The following SEPTIN2 variants were observed in gnomAD, a reference collection of about 807,000 sequenced individuals.
SEPTIN2 encodes septin 2, also known as septin-2.
Under a neutral mutation model 46.5 loss-of-function variants are expected in SEPTIN2, and 34 were observed. That is an observed-to-expected ratio of 0.73 (90% confidence interval 0.56 to 0.97). SEPTIN2 has a LOEUF of 0.97. SEPTIN2 is among the 50% of genes least tolerant of loss of function. The probability of loss-of-function intolerance (pLI) is 0.00; values close to 1 mark genes in which losing one functional copy is unlikely to be tolerated. For synonymous variants in SEPTIN2, 175 were observed against 153.4 expected (o/e 1.14, Z -1.04); for missense variants, 347 against 448.4 (o/e 0.77, Z 2.04).
chr2:241,339,222 C>T (rs572132348), intron 7 of SEPTIN2, among the ~76,000 whole-genome samples: 3 of 150,824 alleles, frequency 2.0e-5, no homozygotes, highest in South Asian at 2.1e-4. Context: ...GGCAAAACTC[C>T]GTCTCTAAAA....
In SEPTIN2 at chr2:241,336,215, T is replaced by TA. The variant is rs2079955997; in HGVS notation, c.341+118dup. The TA allele has an allele frequency of 5.7e-6, 6 of 1,050,948 alleles. 1 individual carries two copies. Among genetic ancestry groups the TA allele is most frequent in the South Asian group, 3.4e-5 (2 of 58,300 alleles). 65.1% of individuals were successfully genotyped at this position (1,050,948 alleles called of 1,614,324 possible). A position where few individuals can be genotyped will look rare whatever the true frequency, so the allele number is the denominator to read the frequency against. Reference sequence around the variant, plus strand: ...GGATTGCTGTATATAATAAAACACCTAGACAATTTAAAGCGTGTTAAATGT... The same window carrying TA: ...GGATTGCTGTATATAATAAAACACCTAAGACAATTTAAAGCGTGTTAAATGT... On this transcript the variant is annotated intron_variant, in intron 5 of 12. Coordinates refer to ENST00000391971, the MANE Select transcript of SEPTIN2 (RefSeq NM_004404.5).
intron 7 of SEPTIN2, among the ~76,000 whole-genome samples, chr2:241,338,593 ATATATATATATTT>A (rs1464136210): frequency 3.9e-5 from 5 of 126,890 alleles, no homozygotes; most frequent in African/African-American, 1.4e-4. Flanking sequence ...CTAAAAAAAT[ATATATATATATTT>A]TATATATATA....
chr2:241,341,070 T>C (rs1484047440), intron 7 of SEPTIN2, among the ~76,000 whole-genome samples: 1 of 152,234 alleles, frequency 6.6e-6, no homozygotes, highest in Non-Finnish European at 1.5e-5. Flanking sequence ...CTTCCCTTCC[T>C]TGGCTGCTGA....
At chr2:241,316,728 A>G in intron 1 of SEPTIN2, 1 of 463,100 alleles carries the variant, frequency 2.2e-6, no homozygotes. Context: ...AATTCTTGTC[A>G]GTGCCACCAG....
At chr2:241,339,835 C>T (rs1485952003) in intron 7 of SEPTIN2, among the ~76,000 whole-genome samples, 3 of 152,124 alleles carry the variant, frequency 2.0e-5, no homozygotes, top group South Asian at 4.1e-4. Context: ...GGTAGCACTC[C>T]CCCCACACTG....
At chr2:241,335,592 A>G (rs1281116177) in intron 4 of SEPTIN2, 17 of 593,092 alleles carry the variant, frequency 2.9e-5, no homozygotes, top group Non-Finnish European at 4.8e-5. Context: ...ACAGGACACC[A>G]GCATCCACAA....
chr2:241,347,993 C>G (rs560142944), intron 10 of SEPTIN2, 141 bp from the exon 11 acceptor site: 1 of 603,966 alleles, frequency 1.7e-6, no homozygotes, highest in Admixed American at 2.5e-5. Context: ...CCAGCCCGTG[C>G]GACAGAGTGA....
rs775629230 is a variant in SEPTIN2 at position 241,335,133 on chromosome 2, A to G, written c.138A>G (p.Ser46=). ...FEFTLMVVGE[S]GLGKSTLINS... ...TTTTCTTTTTATTTAAAGGTGAATCAGGTCTAGGAAAATCGACTCTCATAA... is the reference window on the plus strand; with the variant it reads ...TTTTCTTTTTATTTAAAGGTGAATCGGGTCTAGGAAAATCGACTCTCATAA... The change falls in exon 4 of 13, where the codon TCA becomes TCG. Residue 46 remains serine, a synonymous_variant. Coordinates refer to ENST00000391971, the MANE Select transcript of SEPTIN2 (RefSeq NM_004404.5). 6 of 1,608,660 alleles carry G rather than the reference A, an allele frequency of 3.7e-6. No individual in the cohort carries two copies. Among genetic ancestry groups the G allele is most frequent in the Admixed American group, 1.7e-5 (1 of 59,902 alleles).
intron 7 of SEPTIN2, among the ~76,000 whole-genome samples, chr2:241,341,244 G>A (rs2081224498): frequency 6.6e-6 from 1 of 152,164 alleles, no homozygotes. Flanking sequence ...ACCCACAGGA[G>A]TCCTCTTTTG....
At chr2:241,323,416 G>A (rs370486059) in intron 1 of SEPTIN2, among the ~76,000 whole-genome samples, 15 of 151,568 alleles carry the variant, frequency 9.9e-5, no homozygotes, top group African/African-American at 3.4e-4. Context: ...GCGCCACCAT[G>A]CCTGGCTGAA....
chr2:241,318,416 T>G (rs868577047), intron 1 of SEPTIN2: 3 of 152,222 alleles, frequency 2.0e-5, no homozygotes, highest in Non-Finnish European at 4.4e-5. Context: ...GCTCATTTTA[T>G]CCAATCCTTT....
At chr2:241,320,351 G>GTAT in intron 1 of SEPTIN2, 1 of 469,272 alleles carries the variant, frequency 2.1e-6, no homozygotes, top group South Asian at 1.6e-5. Context: ...TTTTGGTTCT[G>GTAT]TATTGGTAAT....
At chr2:241,343,990 G>T in intron 9 of SEPTIN2, 93 bp downstream of exon 9, 1 of 1,447,162 alleles carries the variant, frequency 6.9e-7, no homozygotes, top group Non-Finnish European at 9.6e-7. Flanking sequence ...GATAGTTGCA[G>T]CCAGCAGCTT....
At chr2:241,336,220 A>T in intron 5 of SEPTIN2, 122 bp downstream of exon 5, 1 of 1,008,308 alleles carries the variant, frequency 9.9e-7, no homozygotes, top group Non-Finnish European at 1.4e-6. Context: ...ACACCTAGAC[A>T]ATTTAAAGCG....
intron 1 of SEPTIN2, chr2:241,316,576 G>T (rs766975454): frequency 2.7e-6 from 4 of 1,501,822 alleles, no homozygotes; most frequent in Admixed American, 4.2e-5. Context: ...GCAGCAGGGG[G>T]TAGGGTATAG....
chr2:241,348,007 A>G, intron 10 of SEPTIN2, 127 bp from the exon 11 acceptor site: 1 of 688,368 alleles, frequency 1.5e-6, no homozygotes, highest in Admixed American at 2.3e-5. Flanking sequence ...AGAGTGAGAC[A>G]CCATCTCAAT....
intron 2 of SEPTIN2, chr2:241,324,528 C>A (rs1212107229): frequency 4.5e-6 from 2 of 446,654 alleles, no homozygotes; most frequent in Non-Finnish European, 4.2e-6. Flanking sequence ...GCTGGGACTG[C>A]AGACACGTGC....
intron 8 of SEPTIN2, among the ~76,000 whole-genome samples, 177 bp downstream of exon 8, chr2:241,343,270 A>G (rs1166233520): frequency 3.3e-5 from 5 of 152,184 alleles, no homozygotes; most frequent in African/African-American, 1.2e-4. Context: ...AGGCCAAGGC[A>G]GATGGATCAG....
chr2:241,334,156 G>A (rs2150026832), intron 3 of SEPTIN2, among the ~76,000 whole-genome samples: 1 of 152,258 alleles, frequency 6.6e-6, no homozygotes, highest in African/African-American at 2.4e-5. Flanking sequence ...TTATAGGTGT[G>A]AGCCACTATG....
Sources: gnomAD v4.1 joint callset for allele counts (sites outside exome capture counted in the v4.1 genomes callset) on GRCh38, gnomAD v4.1.1 for gene constraint, MANE v1.5 for transcripts, NCBI Gene and HGNC (gene_info 2026-07-23, HGNC 2026-07-21) for gene names.